CPLANE1: variants seen among roughly 807,000 people sequenced by gnomAD.
CPLANE1 encodes the protein ciliogenesis and planar polarity effector complex subunit 1.
Under a neutral mutation model 362.5 loss-of-function variants are expected in CPLANE1, and 263 were observed. The ratio of observed to expected loss-of-function variants is 0.73; its 90% CI spans 0.66 to 0.80. CPLANE1 has a LOEUF of 0.80. Ranked by LOEUF, CPLANE1 falls within the 30% of genes least tolerant of loss-of-function variation. The pLI, the probability that CPLANE1 is intolerant of heterozygous loss-of-function variation, is 0.00. For synonymous variants in CPLANE1, 1,212 were observed against 1,302.6 expected (o/e 0.93, Z 1.50); for missense variants, 3,461 against 3,793.4 (o/e 0.91, Z 2.30).
At chr5:37,223,631 A>C (rs779924445) in intron 14 of CPLANE1, among the ~76,000 whole-genome samples, 43 of 152,256 alleles carry the variant, frequency 2.8e-4, no homozygotes, top group Admixed American at 7.8e-4. Flanking sequence ...GCTCTGTATC[A>C]TAAAAGCTAT....
At chr5:37,129,020 T>G (rs1156524254) in intron 46 of CPLANE1, among the ~76,000 whole-genome samples, 1 of 152,110 alleles carries the variant, frequency 6.6e-6, no homozygotes, top group Non-Finnish European at 1.5e-5. Context: ...TATAAGGCCA[T>G]AGTCACCAAA....
Position 37,157,697 on chromosome 5 carries a change from C to G in CPLANE1, c.7984G>C (p.Val2662Leu), listed in dbSNP as rs772274656. 3.1e-6 allele frequency: 5 copies of G among 1,613,468 alleles called. No individual in the cohort carries two copies. Among genetic ancestry groups the G allele is most frequent in the East Asian group, 2.2e-5 (1 of 44,842 alleles). ...TGACTCTTAAAATTATGTGGGGGAACAGCATTAGTAACTGAAGCTGCCATA... is the reference window on the plus strand; with the variant it reads ...TGACTCTTAAAATTATGTGGGGGAAGAGCATTAGTAACTGAAGCTGCCATA... ...HYMAASVTNAVPPHNFKSQEV... is the reference protein window; with the variant it reads ...HYMAASVTNALPPHNFKSQEV... The change falls in exon 40 of 53, where the codon GTT becomes CTT. Residue 2662 changes from valine to leucine, a missense_variant. Physicochemically the swap from Val to Leu is conservative, Grantham distance 32. This residue lies in a region of CPLANE1 where 3,380 missense variants were observed against 3,666.1 expected (regional missense o/e 0.92). Transcript: ENST00000651892.
At chr5:37,242,892 G>A in intron 6 of CPLANE1, 121 bp downstream of exon 6, 1 of 633,816 alleles carries the variant, frequency 1.6e-6, no homozygotes, top group East Asian at 3.2e-5. Context: ...GTAGTCACAG[G>A]TACTCAGGAG....
intron 12 of CPLANE1, among the ~76,000 whole-genome samples, chr5:37,225,429 G>A (rs1028330575): frequency 5.3e-5 from 8 of 151,836 alleles, no homozygotes; most frequent in Admixed American, 1.3e-4. Context: ...TTTTAGTTGC[G>A]GAGTTTCATC....
the CPLANE1 span, among the ~76,000 whole-genome samples, chr5:37,076,325 C>CTT: frequency 6.7e-6 from 1 of 150,002 alleles, no homozygotes; most frequent in African/African-American, 2.4e-5. Context: ...CTTTTTTTTT[C>CTT]TTTTGTTTTT....
the CPLANE1 span, among the ~76,000 whole-genome samples, chr5:37,090,326 T>G: frequency 0.014 from 2,195 of 152,306 alleles, 54 homozygotes; most frequent in African/African-American, 0.051. Context: ...AATGGGTTTT[T>G]TGCCACATAC....
rs555960077 is a variant in CPLANE1 at position 37,138,882 on chromosome 5, T to C, written c.8664-34A>G. The C allele has an allele frequency of 9.5e-6, 15 of 1,581,546 alleles. No homozygotes were observed. The South Asian group carries it at 1.6e-4, about 17-fold the overall frequency. ...GCAAATGTAATTTAAGAAATATAAA[T>C]CAGTATCTACAACTTAATTACATTA... On this transcript the variant is annotated intron_variant, in intron 45 of 52. Coordinates refer to ENST00000651892, the MANE Select transcript of CPLANE1 (RefSeq NM_001384732.1).
chr5:37,224,813 A>ATTT, intron 12 of CPLANE1, 73 bp from the exon 13 acceptor site: 2 of 752,772 alleles, frequency 2.7e-6, no homozygotes, highest in Non-Finnish European at 3.9e-6. Context: ...TTTTTAGCCT[A>ATTT]TTTTTTTTTT....
At chr5:37,168,164 TA>T in intron 34 of CPLANE1, among the ~76,000 whole-genome samples, 1 of 152,352 alleles carries the variant, frequency 6.6e-6, no homozygotes, top group African/African-American at 2.4e-5. Flanking sequence ...GTTATACCTT[TA>T]AAGAGGACTT....
intron 31 of CPLANE1, among the ~76,000 whole-genome samples, chr5:37,174,992 G>A (rs1211423137): frequency 2.0e-5 from 3 of 152,224 alleles, no homozygotes; most frequent in African/African-American, 7.2e-5. Context: ...CAGTGACAGG[G>A]ATCTGGAATC....
Position 37,120,382 on chromosome 5 carries a change from A to G in CPLANE1, c.9186-42T>C, listed in dbSNP as rs370079840. 103 of 1,504,888 alleles carry G rather than the reference A, an allele frequency of 6.8e-5. 2 individuals are homozygous for G. The highest frequency in any genetic ancestry group is 5.4e-4 in the East Asian group (22 of 40,554). The allele number at this position is 1,504,888 out of a possible 1,614,324, so 93.2% of individuals were successfully genotyped here. A position where few individuals can be genotyped will look rare whatever the true frequency, so the allele number is the denominator to read the frequency against. On this transcript the variant is annotated intron_variant, in intron 49 of 52. Coordinates refer to ENST00000651892, the MANE Select transcript of CPLANE1 (RefSeq NM_001384732.1). Reference sequence around the variant, plus strand: ...ATAATTATTACATTCCCAGAATCTCATATCAGCGATAAACTTTAACATTTC... The same window carrying G: ...ATAATTATTACATTCCCAGAATCTCGTATCAGCGATAAACTTTAACATTTC...
chr5:37,156,125 T>C (rs1403786084), intron 41 of CPLANE1, among the ~76,000 whole-genome samples: 3 of 152,232 alleles, frequency 2.0e-5, no homozygotes, highest in Admixed American at 1.3e-4. Context: ...CCACTGTCAT[T>C]ATACAATAAT....
rs1170839581 is a variant in CPLANE1, at chr5:37,209,972, T to C, written c.2921-3547A>G. ...CTTTAGAAATAAAGCTAAATGAATA[T>C]AAGAGAGAAATAGAAGAGCAACTTC... On this transcript the variant is annotated intron_variant, in intron 16 of 52. Transcript: ENST00000651892. The surrounding 1 kb of genome is among the most constrained non-coding windows in gnomAD (Gnocchi z 4.6). 14 of 1,019,456 alleles carry C rather than the reference T, an allele frequency of 1.4e-5. No homozygotes were observed. The highest frequency in any genetic ancestry group is 3.2e-5 in the African/African-American group (2 of 63,096). The allele number at this position is 1,019,456 out of a possible 1,614,324, so 63.2% of individuals were successfully genotyped here.
At chr5:37,142,156 G>A (rs1769941919) in intron 44 of CPLANE1, 154 bp downstream of exon 44, 2 of 1,254,672 alleles carry the variant, frequency 1.6e-6, no homozygotes, top group African/African-American at 1.6e-5. Flanking sequence ...AGTTCTTCAT[G>A]TGACTAGCAA....
rs752852852 is a variant in CPLANE1 at position 37,148,201 on chromosome 5, G to T, written c.8441C>A (p.Thr2814Asn). The change falls in exon 43 of 53, where the codon ACC becomes AAC. Residue 2814 changes from threonine to asparagine, a missense_variant. By Grantham distance (65) the Thr-to-Asn change is moderately conservative. This residue lies in a region of CPLANE1 where 3,380 missense variants were observed against 3,666.1 expected (regional missense o/e 0.92). Transcript: ENST00000651892. ...CAAACCTTCTTCAGAAATGCTAATG[G>T]TTTTTGAAGCTAATGTTTTTTTGAA... ...PEFKKTLASK[T>N]ISISEEVRFL... is the part of the protein sequence containing the mutation. The T allele has an allele frequency of 3.7e-6, 6 of 1,612,816 alleles. No individual in the cohort carries two copies. The Admixed American group carries it at 1.0e-4, about 27-fold the overall frequency.
intron 21 of CPLANE1, among the ~76,000 whole-genome samples, chr5:37,194,901 C>A (rs1489481393): frequency 6.6e-6 from 1 of 151,346 alleles, no homozygotes; most frequent in African/African-American, 2.4e-5. Context: ...ACCTGTAATC[C>A]CAGCACTTTG....
At chr5:37,156,918 T>A (rs561655960) in intron 41 of CPLANE1, among the ~76,000 whole-genome samples, 6 of 152,192 alleles carry the variant, frequency 3.9e-5, no homozygotes, top group African/African-American at 1.4e-4. Flanking sequence ...AACTTGTACA[T>A]GTGTCCCGAA....
chr5:37,192,906 C>T (rs148602749), intron 21 of CPLANE1, among the ~76,000 whole-genome samples: 17,134 of 149,376 alleles, frequency 0.11, 1,014 homozygotes, highest in Admixed American at 0.15. Context: ...TAGTGGCTCA[C>T]GCCTGTAATC....
At chr5:37,084,675 G>T in the CPLANE1 span, among the ~76,000 whole-genome samples, 1 of 152,040 alleles carries the variant, frequency 6.6e-6, no homozygotes, top group Non-Finnish European at 1.5e-5. Context: ...AGCTACTCAG[G>T]AGGCTGAAGC....
Sources: allele counts gnomAD v4.1 joint callset (sites outside exome capture counted in the v4.1 genomes callset), GRCh38; gene constraint gnomAD v4.1.1; regional missense constraint gnomAD v4.1.1; non-coding constraint Gnocchi (gnomAD v3.1); transcripts MANE v1.5; gene names NCBI Gene and HGNC (gene_info 2026-07-23, HGNC 2026-07-21).